Variants in TNFAIP8L3 observed in about 807,000 individuals in gnomAD.
TNFAIP8L3 encodes TNF alpha induced protein 8 like 3.
TNFAIP8L3 carries 7 observed loss-of-function variants against 11.8 expected under a neutral mutation model. The observed-to-expected ratio is 0.59, with a 90% CI of 0.34 to 1.11. The LOEUF is 1.11. Among genes scored for constraint, TNFAIP8L3 ranks in the 50% most tolerant of loss-of-function variants. The pLI is 0.03. For synonymous variants in TNFAIP8L3, 98 were observed against 103.8 expected (o/e 0.94, Z 0.34); for missense variants, 219 against 258.6 (o/e 0.85, Z 1.05).
intron 1 of TNFAIP8L3, among the ~76,000 whole-genome samples, chr15:51,063,060 C>G (rs1422930581): frequency 1.3e-5 from 2 of 152,080 alleles, no homozygotes; most frequent in African/African-American, 2.4e-5. Context: ...GGGAGGGGAT[C>G]GTTCCCTGGA....
intron 1 of TNFAIP8L3, among the ~76,000 whole-genome samples, chr15:51,088,530 A>G (rs1009935687): frequency 6.6e-6 from 1 of 152,202 alleles, no homozygotes; most frequent in Non-Finnish European, 1.5e-5. Context: ...ATTTCTGTAT[A>G]CTATCACAGC....
chr15:51,072,920 C>T (rs2065320789), intron 1 of TNFAIP8L3, among the ~76,000 whole-genome samples: 1 of 151,448 alleles, frequency 6.6e-6, no homozygotes, highest in African/African-American at 2.4e-5. Context: ...TTTATTCTTC[C>T]ATAGGAATTT....
chr15:51,069,116 C>A (rs1243116593), intron 1 of TNFAIP8L3, among the ~76,000 whole-genome samples: 3 of 152,160 alleles, frequency 2.0e-5, no homozygotes, highest in Non-Finnish European at 1.5e-5. Flanking sequence ...GGTGCTGATT[C>A]ACCAGTCTTC....
At chr15:51,099,688 T>C (rs2065537330), upstream of TNFAIP8L3, among the ~76,000 whole-genome samples, 1 of 152,156 alleles carries the variant, frequency 6.6e-6, no homozygotes, top group South Asian at 2.1e-4. Context: ...CTACACAGCT[T>C]GTATGTGGGT....
At chr15:51,085,167 C>G (rs2065418658) in intron 1 of TNFAIP8L3, among the ~76,000 whole-genome samples, 1 of 150,654 alleles carries the variant, frequency 6.6e-6, no homozygotes, top group South Asian at 2.1e-4. Context: ...CATGGATGAA[C>G]AAACATGCCA....
upstream of TNFAIP8L3, among the ~76,000 whole-genome samples, chr15:51,097,335 T>C (rs1017709653): frequency 6.6e-6 from 1 of 152,208 alleles, no homozygotes; most frequent in Non-Finnish European, 1.5e-5. Flanking sequence ...ACAACACATG[T>C]ATGCTCATCA....
intron 1 of TNFAIP8L3, among the ~76,000 whole-genome samples, chr15:51,078,543 C>G (rs2065370907): frequency 1.3e-5 from 2 of 152,024 alleles, no homozygotes; most frequent in African/African-American, 2.4e-5. Flanking sequence ...CCTCTTCTCT[C>G]GCTAGACACT....
intron 1 of TNFAIP8L3, among the ~76,000 whole-genome samples, chr15:51,104,349 A>G (rs774471425): frequency 6.6e-6 from 1 of 152,086 alleles, no homozygotes; most frequent in Non-Finnish European, 1.5e-5. Context: ...CCAGAGTTCG[A>G]GCTTTCTCAG....
upstream of TNFAIP8L3, among the ~76,000 whole-genome samples, chr15:51,097,928 A>C (rs1476587357): frequency 6.6e-6 from 1 of 152,210 alleles, no homozygotes; most frequent in African/African-American, 2.4e-5. Flanking sequence ...TTTTAGAAAA[A>C]TGGCATCACT....
At chr15:51,069,817 T>C (rs1286814533) in intron 1 of TNFAIP8L3, among the ~76,000 whole-genome samples, 1 of 152,204 alleles carries the variant, frequency 6.6e-6, no homozygotes, top group Non-Finnish European at 1.5e-5. Flanking sequence ...AAAGCTGCAG[T>C]TGGGCCCAAG....
At chr15:51,102,992 C>T (rs1411296752) in intron 1 of TNFAIP8L3, among the ~76,000 whole-genome samples, 1 of 152,050 alleles carries the variant, frequency 6.6e-6, no homozygotes, top group African/African-American at 2.4e-5. Flanking sequence ...CTCCCCTCTC[C>T]TCCCCTTCTC....
intron 1 of TNFAIP8L3, among the ~76,000 whole-genome samples, chr15:51,104,686 TG>T (rs1049332661): frequency 2.0e-5 from 3 of 152,234 alleles, no homozygotes; most frequent in Admixed American, 2.0e-4. Flanking sequence ...GACCTGGCCT[TG>T]GGCCCTTCTC....
At chr15:51,068,605 ATC>A (rs1205252242) in intron 1 of TNFAIP8L3, among the ~76,000 whole-genome samples, 2 of 150,472 alleles carry the variant, frequency 1.3e-5, no homozygotes, top group Non-Finnish European at 1.5e-5. Flanking sequence ...GCCACACTGT[ATC>A]TCTCTTGGGT....
At chr15:51,101,945 CAAAA>C (rs11297566) in intron 1 of TNFAIP8L3, among the ~76,000 whole-genome samples, 3 of 85,684 alleles carry the variant, frequency 3.5e-5, no homozygotes, top group Non-Finnish European at 2.3e-5. Context: ...GACTCTGTCT[CAAAA>C]AAAAAAAAAA....
intron 1 of TNFAIP8L3, among the ~76,000 whole-genome samples, chr15:51,079,645 T>G (rs542963101): frequency 1.3e-5 from 2 of 152,298 alleles, no homozygotes; most frequent in South Asian, 4.1e-4. Context: ...CTTTTCTTTT[T>G]ATTAAGAAAA....
intron 1 of TNFAIP8L3, among the ~76,000 whole-genome samples, chr15:51,062,002 G>C (rs2065244910): frequency 6.6e-6 from 1 of 151,974 alleles, no homozygotes; most frequent in South Asian, 2.1e-4. Context: ...TTTTTTTCTT[G>C]GCCACCACAC....
At chr15:51,104,935 C>T in intron 1 of TNFAIP8L3, 2 of 1,599,814 alleles carry the variant, frequency 1.3e-6, no homozygotes, top group South Asian at 2.2e-5. Context: ...AGCTCGCCAC[C>T]TTGCATGCTT....
intron 1 of TNFAIP8L3, among the ~76,000 whole-genome samples, chr15:51,092,561 C>T (rs1244565124): frequency 6.6e-6 from 1 of 152,202 alleles, no homozygotes; most frequent in East Asian, 1.9e-4. Flanking sequence ...GTGTGAGATT[C>T]AAGCACACGC....
At chr15:51,090,336 T>C (rs1374665773) in intron 1 of TNFAIP8L3, among the ~76,000 whole-genome samples, 1 of 152,210 alleles carries the variant, frequency 6.6e-6, no homozygotes, top group Non-Finnish European at 1.5e-5. Context: ...TTCTCTGATG[T>C]TGTGGCCATA....
Sources: allele counts gnomAD v4.1 joint callset (sites outside exome capture counted in the v4.1 genomes callset), GRCh38; gene constraint gnomAD v4.1.1; transcripts MANE v1.5; gene names NCBI Gene and HGNC (gene_info 2026-07-23, HGNC 2026-07-21).